Variants in LSAMP observed in about 807,000 individuals in gnomAD.
LSAMP encodes limbic system associated membrane protein.
A neutral mutation model predicts 38.6 loss-of-function variants in LSAMP; 7 were observed. The ratio of observed to expected loss-of-function variants is 0.18; its 90% CI spans 0.10 to 0.34. The LOEUF (loss-of-function observed/expected upper bound fraction) is 0.34, where lower values mean the gene tolerates loss of function less well. Ranked by LOEUF, LSAMP falls within the 10% of genes least tolerant of loss-of-function variation. The pLI, the probability that LSAMP is intolerant of heterozygous loss-of-function variation, is 1.00. For synonymous variants in LSAMP, 154 were observed against 166.8 expected (o/e 0.92, Z 0.59); for missense variants, 313 against 420.0 (o/e 0.75, Z 2.23).
chr3:115,971,060 A>G (rs1400781765), intron 3 of LSAMP, among the ~76,000 whole-genome samples: 3 of 152,172 alleles, frequency 2.0e-5, no homozygotes, highest in Non-Finnish European at 4.4e-5. Context: ...GAGAAAGTTC[A>G]AGTGCTGATT....
chr3:116,283,167 AAAAGT>A (rs199643479), intron 1 of LSAMP, among the ~76,000 whole-genome samples: 2 of 151,946 alleles, frequency 1.3e-5, no homozygotes, highest in African/African-American at 2.4e-5. Flanking sequence ...AATGATTTAG[AAAAGT>A]AAAGAAAGAG....
intron 1 of LSAMP, among the ~76,000 whole-genome samples, chr3:116,163,617 GTATTTC>G (rs1439612614): frequency 1.3e-5 from 2 of 151,892 alleles, no homozygotes; most frequent in Non-Finnish European, 2.9e-5. Flanking sequence ...GGGTCAAATG[GTATTTC>G]TAGTTCTAGA....
At chr3:116,401,024 G>A (rs547889570) in intron 1 of LSAMP, among the ~76,000 whole-genome samples, 1 of 152,276 alleles carries the variant, frequency 6.6e-6, no homozygotes, top group African/African-American at 2.4e-5. Flanking sequence ...AAGACCCACT[G>A]ATAATAGTGA....
chr3:116,268,514 T>TCGTTTCCAGATGTGAATCTGG (rs2046924038), intron 1 of LSAMP, among the ~76,000 whole-genome samples: 2 of 152,046 alleles, frequency 1.3e-5, no homozygotes, highest in African/African-American at 4.8e-5. Flanking sequence ...TGTGAATCTG[T>TCGTTTCCAGATGTGAATCTGG]AGGCTCATGC....
At chr3:116,205,999 T>C (rs1465381413) in intron 1 of LSAMP, among the ~76,000 whole-genome samples, 1 of 151,950 alleles carries the variant, frequency 6.6e-6, no homozygotes, top group Non-Finnish European at 1.5e-5. Context: ...TCCTTGTACC[T>C]CTGGTAGAAT....
chr3:116,328,078 A>AAGTGTTT (rs2047797842), intron 1 of LSAMP, among the ~76,000 whole-genome samples: 1 of 152,108 alleles, frequency 6.6e-6, no homozygotes, highest in African/African-American at 2.4e-5. Context: ...TTGAGCCCCG[A>AAGTGTTT]AGTGTTTAGG....
chr3:115,899,440 G>A (rs2107478245), intron 3 of LSAMP, among the ~76,000 whole-genome samples: 1 of 152,158 alleles, frequency 6.6e-6, no homozygotes, highest in Middle Eastern at 3.4e-3. Context: ...AAATCACCAA[G>A]TCTACTTTCC....
At chr3:116,110,896 GAGTC>G (rs1397635567) in intron 1 of LSAMP, among the ~76,000 whole-genome samples, 2 of 152,112 alleles carry the variant, frequency 1.3e-5, no homozygotes, top group Non-Finnish European at 2.9e-5. Flanking sequence ...AGTCGGAAAA[GAGTC>G]AGCGAAGGGA....
At chr3:116,396,509 C>G (rs2107819906) in intron 1 of LSAMP, among the ~76,000 whole-genome samples, 1 of 152,310 alleles carries the variant, frequency 6.6e-6, no homozygotes, top group East Asian at 1.9e-4. Flanking sequence ...TACTCACATA[C>G]TTTGTAAAAA....
chr3:116,192,570 A>G (rs1054975637), intron 1 of LSAMP, among the ~76,000 whole-genome samples: 1 of 152,208 alleles, frequency 6.6e-6, no homozygotes, highest in East Asian at 1.9e-4. Flanking sequence ...GAATGAGATT[A>G]GAGAGAATAA....
intron 1 of LSAMP, among the ~76,000 whole-genome samples, chr3:116,437,017 ATGTG>A (rs925976032): frequency 2.2e-4 from 32 of 146,012 alleles, no homozygotes; most frequent in African/African-American, 7.3e-4. Context: ...GTGTATATAT[ATGTG>A]TGTGTATATA....
intron 3 of LSAMP, among the ~76,000 whole-genome samples, chr3:116,005,316 C>T (rs1328695008): frequency 6.6e-6 from 1 of 152,128 alleles, no homozygotes; most frequent in Non-Finnish European, 1.5e-5. Flanking sequence ...CTTCACCTAT[C>T]TCCATATGAG....
At chr3:116,225,973 T>G (rs948048855) in intron 1 of LSAMP, among the ~76,000 whole-genome samples, 4 of 152,242 alleles carry the variant, frequency 2.6e-5, no homozygotes, top group African/African-American at 9.6e-5. Context: ...TTGCAACTTA[T>G]GTTCTGTGCA....
chr3:115,834,878 C>CCACCAAGATT (rs1934733642), intron 6 of LSAMP, among the ~76,000 whole-genome samples: 2 of 151,970 alleles, frequency 1.3e-5, no homozygotes, highest in Non-Finnish European at 2.9e-5. Context: ...CTGGAAAAAA[C>CCACCAAGATT]CCACCACCAA....
intron 1 of LSAMP, among the ~76,000 whole-genome samples, chr3:116,265,711 G>A (rs1046610248): frequency 4.6e-5 from 7 of 152,158 alleles, no homozygotes; most frequent in African/African-American, 1.4e-4. Flanking sequence ...TCTAATTGTG[G>A]TTAATCTTTG....
rs1291968805 is a variant in LSAMP, at chr3:116,352,804, AC to A, written c.155+92072del. Among the ~76,000 whole-genome samples, 3 of 152,178 alleles carry A rather than the reference AC, an allele frequency of 2.0e-5. No homozygotes were observed. The East Asian group carries it at 5.8e-4, about 29-fold the overall frequency. On this transcript the variant is annotated intron_variant, in intron 1 of 6. Coordinates refer to ENST00000490035, the MANE Select transcript of LSAMP (RefSeq NM_002338.5). ...GCACTTGCTGCATTGTATAATAATG[AC>A]TTTTTTGGGGTGTCTTGCATATTTA...
chr3:115,986,200 G>A (rs746996045), intron 3 of LSAMP, among the ~76,000 whole-genome samples: 3 of 152,112 alleles, frequency 2.0e-5, no homozygotes, highest in Non-Finnish European at 2.9e-5. Context: ...GAAACTTAGG[G>A]CAAGGACCAT....
intron 2 of LSAMP, among the ~76,000 whole-genome samples, chr3:116,047,378 A>C (rs1399323548): frequency 1.9e-3 from 215 of 113,170 alleles, no homozygotes; most frequent in Middle Eastern, 0.013. Context: ...CTAGTCTAAA[A>C]AAAAAAAAAA....
intron 3 of LSAMP, among the ~76,000 whole-genome samples, chr3:115,924,545 GGACATTTA>G (rs1333044352): frequency 6.6e-6 from 1 of 152,028 alleles, no homozygotes; most frequent in African/African-American, 2.4e-5. Context: ...AAAATCACTT[GGACATTTA>G]GAGACAGAGA....
Sources: allele counts gnomAD v4.1 joint callset (sites outside exome capture counted in the v4.1 genomes callset), GRCh38; gene constraint gnomAD v4.1.1; transcripts MANE v1.5; gene names NCBI Gene and HGNC (gene_info 2026-07-23, HGNC 2026-07-21).